CNTN4: variants seen among roughly 807,000 people sequenced by gnomAD.
CNTN4 encodes the protein contactin 4.
CNTN4 carries 77 observed loss-of-function variants against 122.5 expected under a neutral mutation model. The observed-to-expected ratio is 0.63, with a 90% CI of 0.52 to 0.76. The LOEUF (loss-of-function observed/expected upper bound fraction) is 0.76, where lower values mean the gene tolerates loss of function less well. Ranked by LOEUF, CNTN4 falls within the 30% of genes least tolerant of loss-of-function variation. The probability of loss-of-function intolerance (pLI) is 0.00; values close to 1 mark genes in which losing one functional copy is unlikely to be tolerated. For missense variants in CNTN4, 1,256 were observed against 1,259.1 expected, an observed-to-expected ratio of 1.00 and a Z score of 0.04; for synonymous variants, 512 against 447.0, an observed-to-expected ratio of 1.15 and a Z score of -1.83.
In CNTN4 at chr3:2,632,571, T is replaced by C. The variant is rs138257698; in HGVS notation, c.55+61013T>C. ...CTCATGCTCACTGTGGGGCATAGTA[T>C]TGACATTGAGAGAACCCTGAACAGT... On this transcript the variant is annotated intron_variant, in intron 4 of 24. Transcript: ENST00000418658. 2.4e-4 allele frequency among the ~76,000 whole-genome samples: 36 copies of C among 152,312 alleles called. No individual in the cohort carries two copies. In the East Asian group the frequency reaches 6.4e-3, roughly 27 times the overall value.
chr3:2,465,344 C>G (rs1016267279), intron 3 of CNTN4, among the ~76,000 whole-genome samples: 2 of 152,024 alleles, frequency 1.3e-5, no homozygotes, highest in Non-Finnish European at 2.9e-5. Flanking sequence ...CAGCAAAGAT[C>G]TGAAAAATGT....
intron 3 of CNTN4, among the ~76,000 whole-genome samples, chr3:2,554,275 G>A (rs2078629871): frequency 6.6e-6 from 1 of 151,976 alleles, no homozygotes. Context: ...TGGTAAATGT[G>A]TTTATATTTG....
rs1281918921 is a variant in CNTN4, at chr3:2,340,716, G to T, written c.-89+1483G>T. 4.7e-3 allele frequency among the ~76,000 whole-genome samples: 383 copies of T among 81,654 alleles called. 2 individuals carry two copies. The highest frequency in any genetic ancestry group is 8.4e-3 in the African/African-American group (223 of 26,668). 53.6% of individuals were successfully genotyped at this position (81,654 alleles called of 152,430 possible). A position where few individuals can be genotyped will look rare whatever the true frequency, so the allele number is the denominator to read the frequency against. On this transcript the variant is annotated intron_variant, in intron 3 of 24. Coordinates refer to ENST00000418658, the MANE Select transcript of CNTN4 (RefSeq NM_175607.3). ...ATATATATATATATATATATAGAGAGAGAGAGAGAGAGAGAGAGAGAGAGT... is the reference window on the plus strand; with the variant it reads ...ATATATATATATATATATATAGAGATAGAGAGAGAGAGAGAGAGAGAGAGT...
chr3:2,497,831 G>A (rs1575772730), intron 3 of CNTN4, among the ~76,000 whole-genome samples: 1 of 151,656 alleles, frequency 6.6e-6, no homozygotes, highest in Admixed American at 6.6e-5. Context: ...TCCCTCCACG[G>A]GATATAAACC....
intron 3 of CNTN4, among the ~76,000 whole-genome samples, chr3:2,504,164 C>A (rs1026673093): frequency 6.6e-6 from 1 of 152,074 alleles, no homozygotes; most frequent in Non-Finnish European, 1.5e-5. Context: ...TGACCCTAAT[C>A]TGAGAAGTGT....
At position 2,841,553 on chromosome 3, in the gene CNTN4, G is replaced by A. The variant is rs2093362102; in HGVS notation, c.454+21972G>A. On this transcript the variant is annotated intron_variant, in intron 7 of 24. Transcript: ENST00000418658. The surrounding 1 kb of genome is among the most constrained non-coding windows in gnomAD (Gnocchi z 4.8). Reference sequence around the variant, plus strand: ...AGATTAATTTATTATTCCCAATCGGGCTCCAACCCTCAAACTATATTTGGC... The same window carrying A: ...AGATTAATTTATTATTCCCAATCGGACTCCAACCCTCAAACTATATTTGGC... Among the ~76,000 whole-genome samples the A allele has an allele frequency of 6.6e-6, 1 of 152,072 alleles. No individual in the cohort carries two copies. The highest frequency in any genetic ancestry group is 2.4e-5 in the African/African-American group (1 of 41,414).
At chr3:2,711,282 T>G (rs2600295) in intron 4 of CNTN4, among the ~76,000 whole-genome samples, 1 of 152,122 alleles carries the variant, frequency 6.6e-6, no homozygotes, top group African/African-American at 2.4e-5. Flanking sequence ...GCCTGGGTAA[T>G]CTCACACAGT....
At chr3:2,371,702 A>T (rs1454700719) in intron 3 of CNTN4, among the ~76,000 whole-genome samples, 1 of 152,134 alleles carries the variant, frequency 6.6e-6, no homozygotes, top group Admixed American at 6.5e-5. Flanking sequence ...TTTTCATGTA[A>T]CATATATTTT....
At chr3:2,548,314 C>A (rs1030881824) in intron 3 of CNTN4, among the ~76,000 whole-genome samples, 1 of 152,090 alleles carries the variant, frequency 6.6e-6, no homozygotes, top group Non-Finnish European at 1.5e-5. Flanking sequence ...TTAGGTCTTA[C>A]ATTTAAGTCT....
At position 2,925,760 on chromosome 3, in the gene CNTN4, A is replaced by G. The variant is rs1173257347; in HGVS notation, c.1339A>G (p.Ile447Val). 1.2e-6 allele frequency: 2 copies of G among 1,613,682 alleles called. No homozygotes were observed. Among genetic ancestry groups the G allele is most frequent in the East Asian group, 2.2e-5 (1 of 44,862 alleles). Residue 447 changes from isoleucine to valine, a missense_variant, in exon 13 of 25, where the codon ATA (isoleucine) becomes GTA (valine). Transcript: ENST00000418658. ...TTACACCTGGAAGAAAGGAAGGGAT[A>G]TATTAAAAGAAAATGAAAGGTACTG... ...PVYTWKKGRD[I>V]LKENERITIS...
chr3:2,404,771 G>T (rs1502591), intron 3 of CNTN4, among the ~76,000 whole-genome samples: 2 of 151,856 alleles, frequency 1.3e-5, no homozygotes, highest in Non-Finnish European at 2.9e-5. Context: ...TCTAGAATTC[G>T]GCCTATAACA....
chr3:2,743,465 C>T (rs1488921234), intron 5 of CNTN4, among the ~76,000 whole-genome samples: 1 of 152,146 alleles, frequency 6.6e-6, no homozygotes, highest in East Asian at 1.9e-4. Context: ...AGAGGTACCT[C>T]ATGTTTCTAT....
intron 13 of CNTN4, among the ~76,000 whole-genome samples, chr3:2,954,330 G>T (rs2094776746): frequency 6.6e-6 from 1 of 152,132 alleles, no homozygotes; most frequent in Non-Finnish European, 1.5e-5. Context: ...TATGAAAGTT[G>T]TCCTCCAGTG....
intron 3 of CNTN4, among the ~76,000 whole-genome samples, chr3:2,404,141 T>C (rs1297408659): frequency 6.6e-6 from 1 of 152,194 alleles, no homozygotes; most frequent in Non-Finnish European, 1.5e-5. Context: ...GTATTTGTTT[T>C]CTAGTGCTGC....
chr3:2,798,662 A>C (rs1338120732), intron 6 of CNTN4, among the ~76,000 whole-genome samples: 1 of 152,046 alleles, frequency 6.6e-6, no homozygotes, highest in Non-Finnish European at 1.5e-5. Flanking sequence ...GGCACGCAAC[A>C]AAACACTTGG....
intron 3 of CNTN4, among the ~76,000 whole-genome samples, chr3:2,431,562 C>G (rs926457296): frequency 6.6e-6 from 1 of 151,946 alleles, no homozygotes; most frequent in Non-Finnish European, 1.5e-5. Context: ...AGAAGAAATT[C>G]CGTGGAATAG....
At chr3:2,859,409 T>A (rs918804058) in intron 7 of CNTN4, among the ~76,000 whole-genome samples, 4 of 152,170 alleles carry the variant, frequency 2.6e-5, no homozygotes, top group African/African-American at 7.2e-5. Context: ...TGCCTTTGGA[T>A]TTTCAGTTTC....
intron 3 of CNTN4, among the ~76,000 whole-genome samples, chr3:2,483,328 A>G (rs1394568113): frequency 1.3e-5 from 2 of 152,094 alleles, no homozygotes; most frequent in Non-Finnish European, 1.5e-5. Context: ...CTGTACCCCC[A>G]TTGTATCTAG....
At chr3:2,981,397 T>TGG (rs1559748876) in intron 13 of CNTN4, among the ~76,000 whole-genome samples, 21 of 151,860 alleles carry the variant, frequency 1.4e-4, no homozygotes, top group Admixed American at 2.0e-4. Flanking sequence ...TGAGCCGAGA[T>TGG]CGCAGCACTG....
Sources: allele counts gnomAD v4.1 joint callset (sites outside exome capture counted in the v4.1 genomes callset), GRCh38; gene constraint gnomAD v4.1.1; non-coding constraint Gnocchi (gnomAD v3.1); transcripts MANE v1.5; gene names NCBI Gene and HGNC (gene_info 2026-07-23, HGNC 2026-07-21).